Variants in PLXDC2 observed in about 807,000 individuals in gnomAD.
PLXDC2 encodes the protein plexin domain-containing protein 2.
PLXDC2 carries 40 observed loss-of-function variants against 68.9 expected under a neutral mutation model. The ratio of observed to expected loss-of-function variants is 0.58; its 90% CI spans 0.45 to 0.76. PLXDC2 has a LOEUF of 0.76. PLXDC2 is among the 30% of genes least tolerant of loss of function. PLXDC2 has a pLI of 0.00. For missense variants in PLXDC2, 644 were observed against 661.9 expected (o/e 0.97, Z 0.30); for synonymous variants, 243 against 234.2 (o/e 1.04, Z -0.34).
intron 12 of PLXDC2, among the ~76,000 whole-genome samples, chr10:20,234,467 T>C (rs924603414): frequency 1.3e-5 from 2 of 152,190 alleles, no homozygotes; most frequent in African/African-American, 4.8e-5. Flanking sequence ...TTAAAGGCAT[T>C]GTTTGAGCCA....
At chr10:19,832,485 C>A (rs924944084) in intron 1 of PLXDC2, among the ~76,000 whole-genome samples, 18 of 152,222 alleles carry the variant, frequency 1.2e-4, no homozygotes, top group Non-Finnish European at 5.9e-5. Context: ...ACATGTTACA[C>A]ATGTCTGTGT....
intron 11 of PLXDC2, among the ~76,000 whole-genome samples, chr10:20,218,481 C>T (rs1345321056): frequency 6.6e-6 from 1 of 151,950 alleles, no homozygotes; most frequent in African/African-American, 2.4e-5. Context: ...TATTAAAGTC[C>T]ACGAAAATAT....
chr10:20,113,740 T>C (rs1210598874), intron 4 of PLXDC2, among the ~76,000 whole-genome samples: 1 of 152,192 alleles, frequency 6.6e-6, no homozygotes, highest in Non-Finnish European at 1.5e-5. Context: ...ACACAGTTGA[T>C]TTTGCCATGT....
intron 12 of PLXDC2, among the ~76,000 whole-genome samples, chr10:20,221,585 T>C (rs1322341757): frequency 6.6e-6 from 1 of 152,232 alleles, no homozygotes; most frequent in Non-Finnish European, 1.5e-5. Context: ...TTAAGGGAAA[T>C]CACACATTGC....
chr10:20,237,145 T>C (rs1284426770), intron 12 of PLXDC2, among the ~76,000 whole-genome samples: 1 of 152,184 alleles, frequency 6.6e-6, no homozygotes, highest in Non-Finnish European at 1.5e-5. Flanking sequence ...GGTCTCACCA[T>C]ACATAATGTC....
At chr10:20,016,661 C>G (rs1835218025) in intron 2 of PLXDC2, among the ~76,000 whole-genome samples, 1 of 152,190 alleles carries the variant, frequency 6.6e-6, no homozygotes, top group Non-Finnish European at 1.5e-5. Context: ...CAGGACAGTG[C>G]TTAGTACCTT....
At chr10:20,096,342 G>GTT (rs1833349593) in intron 4 of PLXDC2, among the ~76,000 whole-genome samples, 1 of 151,998 alleles carries the variant, frequency 6.6e-6, no homozygotes, top group Non-Finnish European at 1.5e-5. Context: ...ATAAAATCAC[G>GTT]CTGAAAGAAA....
chr10:19,990,978 G>A (rs1344515847), intron 1 of PLXDC2, among the ~76,000 whole-genome samples: 3 of 152,174 alleles, frequency 2.0e-5, no homozygotes, highest in Non-Finnish European at 4.4e-5. Context: ...CGGGCATGAT[G>A]GCTCATGCCT....
chr10:19,856,379 G>GACACACACACAC (rs34129216), intron 1 of PLXDC2, among the ~76,000 whole-genome samples: 42 of 144,226 alleles, frequency 2.9e-4, no homozygotes, highest in Admixed American at 1.0e-3. Flanking sequence ...CACACACACA[G>GACACACACACAC]ACACACACAC....
rs946937212 is a variant in PLXDC2 at position 20,274,679 on chromosome 10, T to C, written c.1474-5024T>C. Among the ~76,000 whole-genome samples the C allele has an allele frequency of 2.6e-5, 4 of 152,112 alleles. No homozygotes were observed. The East Asian group carries it at 7.7e-4, about 29-fold the overall frequency. On this transcript the variant is annotated intron_variant, in intron 13 of 13. Coordinates refer to ENST00000377252, the MANE Select transcript of PLXDC2 (RefSeq NM_032812.9). ...TCAACCACACCAGAAGACCAACAGA[T>C]CAATTTGAGTTACTCTTTTTAAGGA...
intron 2 of PLXDC2, among the ~76,000 whole-genome samples, chr10:20,010,010 G>A (rs186249589): frequency 2.3e-4 from 35 of 152,182 alleles, no homozygotes; most frequent in African/African-American, 7.7e-4. Flanking sequence ...CTGTGGATGA[G>A]CATATGAATT....
chr10:20,223,570 C>T (rs1324768341), intron 12 of PLXDC2, among the ~76,000 whole-genome samples: 1 of 152,112 alleles, frequency 6.6e-6, no homozygotes, highest in Non-Finnish European at 1.5e-5. Context: ...GCCTTGGCCT[C>T]CCAAAGTGCT....
chr10:19,868,634 C>T (rs1837466580), intron 1 of PLXDC2, among the ~76,000 whole-genome samples: 1 of 152,112 alleles, frequency 6.6e-6, no homozygotes, highest in Non-Finnish European at 1.5e-5. Context: ...CATAATTACC[C>T]AGTCAGTAGG....
At chr10:19,989,710 T>C (rs1205898583) in intron 1 of PLXDC2, among the ~76,000 whole-genome samples, 1 of 151,670 alleles carries the variant, frequency 6.6e-6, no homozygotes, top group Non-Finnish European at 1.5e-5. Context: ...TATTTTAATT[T>C]AATAATTTTA....
intron 2 of PLXDC2, among the ~76,000 whole-genome samples, chr10:20,044,868 G>T (rs544285805): frequency 1.1e-4 from 17 of 152,208 alleles, no homozygotes; most frequent in African/African-American, 4.1e-4. Flanking sequence ...GTCAAGGAAG[G>T]TTCCCACCTC....
chr10:20,260,836 T>C (rs1399307559), intron 13 of PLXDC2, among the ~76,000 whole-genome samples: 1 of 152,212 alleles, frequency 6.6e-6, no homozygotes, highest in African/African-American at 2.4e-5. Context: ...TTCCCTCTTC[T>C]CCACACCCTT....
intron 1 of PLXDC2, among the ~76,000 whole-genome samples, chr10:19,843,733 G>A (rs1279725526): frequency 6.6e-6 from 1 of 152,168 alleles, no homozygotes; most frequent in Admixed American, 6.5e-5. Flanking sequence ...ATCTCCTGGA[G>A]CTAAAGAATA....
chr10:19,984,881 G>A (rs957026221), intron 1 of PLXDC2, among the ~76,000 whole-genome samples: 1 of 152,176 alleles, frequency 6.6e-6, no homozygotes, highest in East Asian at 1.9e-4. Flanking sequence ...TATTATCAAT[G>A]ATAGGAAGAA....
chr10:20,037,600 TA>T (rs147898547), intron 2 of PLXDC2, among the ~76,000 whole-genome samples: 41,586 of 151,854 alleles, frequency 0.27, 7,485 homozygotes, highest in Non-Finnish European at 0.41. Flanking sequence ...AGTACCTAAG[TA>T]AAAAATACAC....
Sources: gnomAD v4.1 joint callset for allele counts (sites outside exome capture counted in the v4.1 genomes callset) on GRCh38, gnomAD v4.1.1 for gene constraint, MANE v1.5 for transcripts, NCBI Gene and HGNC (gene_info 2026-07-23, HGNC 2026-07-21) for gene names.